Variants in MYO3B observed in about 807,000 individuals in gnomAD.
MYO3B encodes the protein myosin IIIB.
Under a neutral mutation model 174.6 loss-of-function variants are expected in MYO3B, and 156 were observed. That is an observed-to-expected ratio of 0.89 (90% CI 0.78 to 1.02). The LOEUF (loss-of-function observed/expected upper bound fraction) is 1.02, where lower values mean the gene tolerates loss of function less well. Ranked by LOEUF, MYO3B falls within the 50% of genes least tolerant of loss-of-function variation. MYO3B has a pLI of 0.00. For missense variants in MYO3B, 1,632 were observed against 1,639.4 expected, an observed-to-expected ratio of 1.00 and a Z score of 0.08; for synonymous variants, 563 against 569.1, an observed-to-expected ratio of 0.99 and a Z score of 0.15.
intron 32 of MYO3B, among the ~76,000 whole-genome samples, chr2:170,607,597 C>T (rs1258023748): frequency 6.6e-6 from 1 of 152,180 alleles, no homozygotes; most frequent in Non-Finnish European, 1.5e-5. Flanking sequence ...AGAGGCACTT[C>T]AGGGATAGGA....
At chr2:170,447,409 A>T (rs546319145) in intron 23 of MYO3B, among the ~76,000 whole-genome samples, 1 of 152,312 alleles carries the variant, frequency 6.6e-6, no homozygotes, top group African/African-American at 2.4e-5. Context: ...AATAAATATG[A>T]ACACTTCTGA....
intron 7 of MYO3B, among the ~76,000 whole-genome samples, chr2:170,275,345 C>T (rs76387075): frequency 0.012 from 1,862 of 152,262 alleles, 43 homozygotes; most frequent in African/African-American, 0.042. Context: ...TTCAAGACTT[C>T]CCGATGTCTT....
chr2:170,601,826 T>A, intron 32 of MYO3B: 3 of 1,014,906 alleles, frequency 3.0e-6, no homozygotes, highest in Non-Finnish European at 4.6e-6. Flanking sequence ...GCAAAAGTGT[T>A]ATTCCACATC....
At chr2:170,542,365 T>G (rs963079221) in intron 30 of MYO3B, among the ~76,000 whole-genome samples, 7 of 152,276 alleles carry the variant, frequency 4.6e-5, no homozygotes. Flanking sequence ...GTTATCACTT[T>G]AAGCTTCTTG....
At chr2:170,647,556 C>T (rs1461836433) in intron 32 of MYO3B, among the ~76,000 whole-genome samples, 1 of 152,112 alleles carries the variant, frequency 6.6e-6, no homozygotes, top group African/African-American at 2.4e-5. Flanking sequence ...CTTTGCAGAA[C>T]ATTGTGAAAT....
chr2:170,376,071 T>C (rs1365113171), intron 9 of MYO3B, among the ~76,000 whole-genome samples: 1 of 152,222 alleles, frequency 6.6e-6, no homozygotes, highest in Non-Finnish European at 1.5e-5. Flanking sequence ...TTATTGGGAT[T>C]CTGGCCAAAA....
At chr2:170,513,373 G>T (rs1215947753) in intron 28 of MYO3B, among the ~76,000 whole-genome samples, 1 of 152,294 alleles carries the variant, frequency 6.6e-6, no homozygotes, top group East Asian at 1.9e-4. Context: ...CCAGTCTCCT[G>T]TTGGTTCCTG....
intron 32 of MYO3B, among the ~76,000 whole-genome samples, chr2:170,546,672 A>G (rs16858727): frequency 2.0e-5 from 3 of 152,256 alleles, no homozygotes; most frequent in African/African-American, 7.2e-5. Context: ...TCCGTTTCGC[A>G]TATATTATCA....
intron 3 of MYO3B, among the ~76,000 whole-genome samples, chr2:170,210,639 A>C (rs1436058117): frequency 6.6e-6 from 1 of 152,210 alleles, no homozygotes; most frequent in Non-Finnish European, 1.5e-5. Flanking sequence ...AAAAACCAAA[A>C]AGGCAGTTTA....
intron 22 of MYO3B, among the ~76,000 whole-genome samples, chr2:170,410,119 G>A (rs1287128401): frequency 2.0e-5 from 3 of 152,158 alleles, no homozygotes; most frequent in Non-Finnish European, 4.4e-5. Flanking sequence ...TATTTTCAAT[G>A]CATAAGAAAC....
At position 170,462,929 on chromosome 2, in the gene MYO3B, G is replaced by C. The variant is rs74401937; in HGVS notation, c.2731-439G>C. 7.9e-3 allele frequency among the ~76,000 whole-genome samples: 1,198 copies of C among 152,342 alleles called. 22 individuals carry two copies. Among genetic ancestry groups the C allele is most frequent in the African/African-American group, 0.027 (1,129 of 41,560 alleles). On this transcript the variant is annotated intron_variant, in intron 23 of 34. Transcript: ENST00000408978. ...GGAGTCTGATGGTTGCAGCATCAGA[G>C]TCTGACGACGTGGAAGGCAACTGGT...
chr2:170,300,128 GCTTT>G (rs1436148193), intron 7 of MYO3B, among the ~76,000 whole-genome samples: 3 of 152,198 alleles, frequency 2.0e-5, no homozygotes, highest in African/African-American at 7.2e-5. Flanking sequence ...CAGTATTCTG[GCTTT>G]CTTCTTTGGG....
At chr2:170,208,115 A>G (rs2092733418) in intron 3 of MYO3B, among the ~76,000 whole-genome samples, 1 of 152,204 alleles carries the variant, frequency 6.6e-6, no homozygotes, top group Non-Finnish European at 1.5e-5. Flanking sequence ...GAAACCAGTC[A>G]TGCTCACCTG....
intron 6 of MYO3B, among the ~76,000 whole-genome samples, chr2:170,228,092 G>T (rs13403493): frequency 0.048 from 7,348 of 152,254 alleles, 611 homozygotes; most frequent in African/African-American, 0.17. Context: ...TCTGCTTAAT[G>T]CTTGCGTGCT....
chr2:170,235,804 A>G (rs2093063217), intron 6 of MYO3B, among the ~76,000 whole-genome samples, 187 bp from the exon 7 acceptor site: 1 of 152,250 alleles, frequency 6.6e-6, no homozygotes, highest in African/African-American at 2.4e-5. Flanking sequence ...GTAAAAGCTA[A>G]TGAACGTATA....
chr2:170,387,145 A>AGTTG lies in MYO3B; in HGVS notation c.1414_1415insGTTG (p.Asn472SerfsTer2). On this transcript the variant is annotated stop_gained and frameshift_variant, in exon 14 of 35. Coordinates refer to ENST00000408978, the MANE Select transcript of MYO3B (RefSeq NM_138995.5). LOFTEE classifies it high-confidence loss of function. ...CTTGAGAGAGAAAATTCTACAAGTCAACTCCCTGGTGGAAGCCTTTGGGAA... is the reference window on the plus strand; with the variant it reads ...CTTGAGAGAGAAAATTCTACAAGTCAGTTGACTCCCTGGTGGAAGCCTTTGGGAA... The AGTTG allele has an allele frequency of 1.2e-6, 2 of 1,614,122 alleles. No homozygotes were observed. The highest frequency in any genetic ancestry group is 8.5e-7 in the Non-Finnish European group (1 of 1,179,944).
chr2:170,336,934 A>G (rs2093950645), intron 8 of MYO3B, among the ~76,000 whole-genome samples: 1 of 151,796 alleles, frequency 6.6e-6, no homozygotes, highest in Non-Finnish European at 1.5e-5. Context: ...AAGAACTCAA[A>G]GACCCCTGCT....
chr2:170,297,568 A>G (rs1350923008), intron 7 of MYO3B, among the ~76,000 whole-genome samples: 3 of 152,226 alleles, frequency 2.0e-5, no homozygotes, highest in Non-Finnish European at 2.9e-5. Context: ...AGGGGAAAGA[A>G]GAAAGATGAG....
chr2:170,621,515 G>GT (rs145064554), intron 32 of MYO3B, among the ~76,000 whole-genome samples: 24,345 of 144,452 alleles, frequency 0.17, 2,494 homozygotes, highest in East Asian at 0.31. Flanking sequence ...TTGTTTTTTT[G>GT]TTTTTTTGTT....
Sources: gnomAD v4.1 joint callset for allele counts (sites outside exome capture counted in the v4.1 genomes callset) on GRCh38, gnomAD v4.1.1 for gene constraint, MANE v1.5 for transcripts, NCBI Gene and HGNC (gene_info 2026-07-23, HGNC 2026-07-21) for gene names.